Variants in OR3A2 observed in about 807,000 individuals in gnomAD.
OR3A2 encodes the protein olfactory receptor 3A2.
For missense variants in OR3A2, 318 were observed against 392.8 expected, an observed-to-expected ratio of 0.81 and a Z score of 1.61; for synonymous variants, 126 against 159.3, an observed-to-expected ratio of 0.79 and a Z score of 1.57.
intron 3 of OR3A2, among the ~76,000 whole-genome samples, chr17:3,334,067 A>T (rs1048608354): frequency 6.6e-6 from 1 of 152,220 alleles, no homozygotes; most frequent in Non-Finnish European, 1.5e-5. Context: ...ATCATCTCAC[A>T]CCAGTCAGAA....
At chr17:3,296,891 AT>A (rs2048923069) in intron 3 of OR3A2, among the ~76,000 whole-genome samples, 1 of 152,232 alleles carries the variant, frequency 6.6e-6, no homozygotes, top group Admixed American at 6.5e-5. Flanking sequence ...ATTTTTTCCA[AT>A]GTTACTTGAC....
chr17:3,315,895 C>T (rs1201200858), intron 3 of OR3A2, among the ~76,000 whole-genome samples: 1 of 152,120 alleles, frequency 6.6e-6, no homozygotes, highest in Non-Finnish European at 1.5e-5. Flanking sequence ...ACCTTGTTCA[C>T]TTGATCAAGA....
At chr17:3,353,273 T>C (rs1368106569) in intron 2 of OR3A2, among the ~76,000 whole-genome samples, 2 of 151,848 alleles carry the variant, frequency 1.3e-5, no homozygotes, top group African/African-American at 2.4e-5. Context: ...GTAGAGTCTT[T>C]AGGTTTTCCC....
intron 2 of OR3A2, among the ~76,000 whole-genome samples, chr17:3,375,552 T>C (rs2049676346): frequency 1.3e-5 from 2 of 152,074 alleles, no homozygotes; most frequent in African/African-American, 4.8e-5. Flanking sequence ...TCCACCCTCC[T>C]CAGCATCCCA....
In OR3A2 at chr17:3,325,946, T is replaced by A. The variant is rs181350633; in HGVS notation, c.-85+10087A>T. On this transcript the variant is annotated intron_variant, in intron 3 of 4. Coordinates refer to the OR3A2 transcript ENST00000573491. ...TTCTTCCTGATGCTCTCCCTTCCCC[T>A]ACTCCCCCTGAAGGTTCTGGTGTGT... 2.0e-4 allele frequency among the ~76,000 whole-genome samples: 31 copies of A among 152,136 alleles called. 2 individuals are homozygous for A. Among genetic ancestry groups the A allele is most frequent in the Middle Eastern group, 3.4e-3 (1 of 294 alleles).
intron 3 of OR3A2, among the ~76,000 whole-genome samples, chr17:3,307,967 G>A (rs555224811): frequency 1.3e-5 from 2 of 152,264 alleles, no homozygotes; most frequent in Admixed American, 6.5e-5. Flanking sequence ...CCAACACAAG[G>A]TGACTTTCAG....
intron 2 of OR3A2, among the ~76,000 whole-genome samples, chr17:3,346,770 C>T (rs900268631): frequency 1.3e-5 from 2 of 152,050 alleles, no homozygotes; most frequent in African/African-American, 4.8e-5. Context: ...TTAGATCCCA[C>T]AAATAAGTGA....
intron 2 of OR3A2, among the ~76,000 whole-genome samples, chr17:3,371,564 G>T (rs1409419760): frequency 7.1e-6 from 1 of 140,828 alleles, no homozygotes; most frequent in East Asian, 2.3e-4. Context: ...TGGCCGGGCG[G>T]GGGGCTGATT....
chr17:3,285,769 T>C (rs907541687), upstream of OR3A2, among the ~76,000 whole-genome samples: 2 of 152,184 alleles, frequency 1.3e-5, no homozygotes, highest in African/African-American at 2.4e-5. Context: ...GCCTGGGCTA[T>C]AGAGTGAGAA....
chr17:3,330,614 G>A (rs1207864026), intron 3 of OR3A2, among the ~76,000 whole-genome samples: 5 of 151,986 alleles, frequency 3.3e-5, no homozygotes, highest in Admixed American at 6.6e-5. Flanking sequence ...GTCTCTACAC[G>A]TGAGATGGGT....
intron 2 of OR3A2, among the ~76,000 whole-genome samples, chr17:3,337,674 C>T (rs1030286332): frequency 2.0e-5 from 3 of 152,096 alleles, no homozygotes; most frequent in East Asian, 1.9e-4. Flanking sequence ...CAGTCTATCA[C>T]TGATGGACAT....
chr17:3,320,610 T>G (rs910864217), intron 3 of OR3A2, among the ~76,000 whole-genome samples: 2 of 149,446 alleles, frequency 1.3e-5, no homozygotes, highest in African/African-American at 4.9e-5. Flanking sequence ...TAGCCAGTTT[T>G]CCCAGCACCA....
intron 2 of OR3A2, among the ~76,000 whole-genome samples, chr17:3,372,716 C>G (rs994147157): frequency 6.6e-6 from 1 of 151,660 alleles, no homozygotes; most frequent in Non-Finnish European, 1.5e-5. Flanking sequence ...CGCAGGCACT[C>G]GGCAGGCTGA....
chr17:3,284,997 C>A (rs2048799280), upstream of OR3A2, among the ~76,000 whole-genome samples: 1 of 152,110 alleles, frequency 6.6e-6, no homozygotes, highest in Non-Finnish European at 1.5e-5. Flanking sequence ...CGCTTTCTCT[C>A]CTGGGGACTT....
upstream of OR3A2, among the ~76,000 whole-genome samples, chr17:3,287,175 G>T (rs1048519318): frequency 6.6e-6 from 1 of 152,058 alleles, no homozygotes; most frequent in African/African-American, 2.4e-5. Flanking sequence ...TCTTGGGATG[G>T]GGACATCACT....
Position 3,336,500 on chromosome 17 carries a change from T to C in OR3A2, c.-178-374A>G, listed in dbSNP as rs554733744. Among the ~76,000 whole-genome samples, 3 of 152,282 alleles carry C rather than the reference T, an allele frequency of 2.0e-5. No individual in the cohort carries two copies. The South Asian group carries it at 6.2e-4, about 32-fold the overall frequency. On this transcript the variant is annotated intron_variant, in intron 2 of 4. Coordinates refer to the OR3A2 transcript ENST00000573491. ...ATAGATACAAATAGTGGAAAAAACA[T>C]TAAATAAAAGAATTTCAAATAAACT...
chr17:3,327,864 T>C (rs1463357024), intron 3 of OR3A2, among the ~76,000 whole-genome samples: 1 of 135,824 alleles, frequency 7.4e-6, no homozygotes, highest in Non-Finnish European at 1.6e-5. Flanking sequence ...ATCAGATAGC[T>C]GTAGACATGC....
chr17:3,339,625 A>C (rs528783227), intron 2 of OR3A2, among the ~76,000 whole-genome samples: 78 of 151,962 alleles, frequency 5.1e-4, no homozygotes, highest in African/African-American at 1.5e-3. Context: ...GGATGAAGCC[A>C]ACTTGATCTT....
intron 2 of OR3A2, among the ~76,000 whole-genome samples, chr17:3,337,679 G>A (rs2049283739): frequency 6.6e-6 from 1 of 152,152 alleles, no homozygotes; most frequent in African/African-American, 2.4e-5. Context: ...TATCACTGAT[G>A]GACATTTGGG....
Sources: allele counts gnomAD v4.1 joint callset (sites outside exome capture counted in the v4.1 genomes callset), GRCh38; gene constraint gnomAD v4.1.1; transcripts MANE v1.5; gene names NCBI Gene and HGNC (gene_info 2026-07-23, HGNC 2026-07-21).